The following BMP6 variants were observed in gnomAD, a reference collection of about 807,000 sequenced individuals.
The protein encoded by BMP6 is VG-1-R.
BMP6 carries 17 observed loss-of-function variants against 54.1 expected under a neutral mutation model. The ratio of observed to expected loss-of-function variants is 0.31; its 90% CI spans 0.22 to 0.47. The LOEUF (loss-of-function observed/expected upper bound fraction) is 0.47, where lower values mean the gene tolerates loss of function less well. Among genes scored for constraint, BMP6 ranks in the 20% least tolerant of loss-of-function variants. BMP6 has a pLI of 1.00. For missense variants in BMP6, 720 were observed against 690.4 expected (o/e 1.04, Z -0.48); for synonymous variants, 328 against 291.2 (o/e 1.13, Z -1.28).
intron 1 of BMP6, among the ~76,000 whole-genome samples, chr6:7,794,504 G>T (rs1397314191): frequency 6.6e-6 from 1 of 151,476 alleles, no homozygotes; most frequent in African/African-American, 2.4e-5. Flanking sequence ...AGAGGCTGAG[G>T]CAGAAGGATT....
At chr6:7,818,322 G>T (rs1581261336) in intron 1 of BMP6, among the ~76,000 whole-genome samples, 1 of 141,384 alleles carries the variant, frequency 7.1e-6, no homozygotes, top group South Asian at 2.5e-4. Flanking sequence ...TGCTAAAGGG[G>T]ACTTGGGGTG....
At chr6:7,772,061 A>AC (rs1469187216) in intron 1 of BMP6, among the ~76,000 whole-genome samples, 5 of 151,176 alleles carry the variant, frequency 3.3e-5, no homozygotes, top group Non-Finnish European at 7.4e-5. Flanking sequence ...CAAAAAAAAA[A>AC]ACCAAAAAAA....
chr6:7,836,593 C>G (rs1561787234), intron 1 of BMP6, among the ~76,000 whole-genome samples: 1 of 152,104 alleles, frequency 6.6e-6, no homozygotes, highest in Non-Finnish European at 1.5e-5. Context: ...TGGGGCTTCT[C>G]TACTGTTTTT....
At chr6:7,830,014 A>T in intron 1 of BMP6, among the ~76,000 whole-genome samples, 1 of 152,134 alleles carries the variant, frequency 6.6e-6, no homozygotes, top group East Asian at 1.9e-4. Context: ...CTGCCTTTTG[A>T]TCTCACATCT....
chr6:7,862,656 C>T (rs1400480934), intron 4 of BMP6, among the ~76,000 whole-genome samples, 158 bp downstream of exon 4: 2 of 152,204 alleles, frequency 1.3e-5, no homozygotes, highest in East Asian at 1.9e-4. Context: ...AGTCGCAGAA[C>T]ATCTGCGTGG....
At chr6:7,853,837 A>G (rs749358686) in intron 2 of BMP6, among the ~76,000 whole-genome samples, 1 of 151,874 alleles carries the variant, frequency 6.6e-6, no homozygotes, top group Non-Finnish European at 1.5e-5. Context: ...GGTTCAGGTT[A>G]TGTAACTGGT....
chr6:7,834,747 G>A (rs548371772), intron 1 of BMP6, among the ~76,000 whole-genome samples: 125 of 152,294 alleles, frequency 8.2e-4, no homozygotes, highest in African/African-American at 2.9e-3. Flanking sequence ...GTGAAGGAGA[G>A]AACTGGTAAA....
intron 2 of BMP6, among the ~76,000 whole-genome samples, chr6:7,856,754 G>A (rs537378727): frequency 6.7e-6 from 1 of 149,890 alleles, no homozygotes; most frequent in African/African-American, 2.5e-5. Context: ...CCGCCACTAC[G>A]CCCGGCTAAT....
At chr6:7,754,370 A>T (rs367710461) in intron 1 of BMP6, among the ~76,000 whole-genome samples, 57 of 152,320 alleles carry the variant, frequency 3.7e-4, no homozygotes, top group African/African-American at 1.3e-3. Context: ...CGGCTTCCCA[A>T]AGCGCTGGGA....
intron 2 of BMP6, among the ~76,000 whole-genome samples, chr6:7,858,798 G>C (rs1198811825): frequency 6.7e-6 from 1 of 149,542 alleles, no homozygotes; most frequent in African/African-American, 2.5e-5. Flanking sequence ...GAGGCCCCGA[G>C]CATCCTAGAT....
chr6:7,758,813 C>T (rs1015616906), intron 1 of BMP6, among the ~76,000 whole-genome samples: 2 of 152,236 alleles, frequency 1.3e-5, no homozygotes, highest in East Asian at 1.9e-4. Context: ...TCCACATGCT[C>T]ACACGCACAT....
chr6:7,784,415 G>A (rs1757993151), intron 1 of BMP6, among the ~76,000 whole-genome samples: 1 of 145,308 alleles, frequency 6.9e-6, no homozygotes. Flanking sequence ...GTGTGTAGGC[G>A]TCTGAGTGTG....
intron 1 of BMP6, among the ~76,000 whole-genome samples, chr6:7,777,368 CTT>C (rs984728167): frequency 6.6e-6 from 1 of 152,208 alleles, no homozygotes; most frequent in Non-Finnish European, 1.5e-5. Context: ...CGTGGATACA[CTT>C]TTATGCACTG....
intron 1 of BMP6, among the ~76,000 whole-genome samples, chr6:7,808,662 C>T (rs1347199642): frequency 6.6e-6 from 1 of 152,004 alleles, no homozygotes; most frequent in Admixed American, 6.6e-5. Flanking sequence ...GCCTATAATT[C>T]CAGTGCTTTG....
At chr6:7,833,212 A>G (rs1157289494) in intron 1 of BMP6, among the ~76,000 whole-genome samples, 1 of 152,238 alleles carries the variant, frequency 6.6e-6, no homozygotes, top group African/African-American at 2.4e-5. Flanking sequence ...TCTCCAATAC[A>G]GGAGCCACCA....
At chr6:7,762,539 A>G (rs1757628814) in intron 1 of BMP6, among the ~76,000 whole-genome samples, 1 of 152,212 alleles carries the variant, frequency 6.6e-6, no homozygotes, top group Non-Finnish European at 1.5e-5. Flanking sequence ...CAATATACAA[A>G]TATATAACAT....
chr6:7,738,911 C>T (rs532892327), intron 1 of BMP6, among the ~76,000 whole-genome samples: 15 of 152,268 alleles, frequency 9.9e-5, no homozygotes, highest in East Asian at 1.9e-4. Context: ...CATCTTTCAT[C>T]GACACCTTGG....
chr6:7,769,916 T>C (rs938669666), intron 1 of BMP6, among the ~76,000 whole-genome samples: 1 of 152,164 alleles, frequency 6.6e-6, no homozygotes, highest in Admixed American at 6.5e-5. Context: ...GTAAACAGAT[T>C]TTCTAATGTT....
chr6:7,873,116 T>G (rs1334146742), intron 4 of BMP6, among the ~76,000 whole-genome samples: 3 of 152,112 alleles, frequency 2.0e-5, no homozygotes, highest in African/African-American at 7.2e-5. Flanking sequence ...TCAGTTCAAT[T>G]CTGATGCCAC....
Sources: gnomAD v4.1 joint callset for allele counts (sites outside exome capture counted in the v4.1 genomes callset) on GRCh38, gnomAD v4.1.1 for gene constraint, MANE v1.5 for transcripts, NCBI Gene and HGNC (gene_info 2026-07-23, HGNC 2026-07-21) for gene names.